Variants in CAMKK2 observed in about 807,000 individuals in gnomAD.
CAMKK2 encodes calcium/calmodulin dependent protein kinase kinase 2, also known as calcium/calmodulin-dependent protein kinase kinase 2.
A neutral mutation model predicts 67.2 loss-of-function variants in CAMKK2; 30 were observed. That is an observed-to-expected ratio of 0.45 (90% CI 0.33 to 0.61). CAMKK2 has a LOEUF of 0.61. CAMKK2 is among the 20% of genes least tolerant of loss of function. CAMKK2 has a pLI of 0.02. For synonymous variants in CAMKK2, 322 were observed against 326.2 expected, an observed-to-expected ratio of 0.99 and a Z score of 0.14; for missense variants, 643 against 802.0, an observed-to-expected ratio of 0.80 and a Z score of 2.39.
rs1429017058 is a variant in CAMKK2 at position 121,240,522 on chromosome 12, T to TC, written c.*176dup. Reference sequence around the variant, plus strand: ...CCACGGTCGACGTCATGGAGTCAAGTCCTTTTTTTTTTTTTGTCCCCTTTA... The same window carrying TC: ...CCACGGTCGACGTCATGGAGTCAAGTCCCTTTTTTTTTTTTTGTCCCCTTTA... On this transcript the variant is annotated 3_prime_UTR_variant, in exon 17 of 17. Coordinates refer to ENST00000404169, the MANE Select transcript of CAMKK2 (RefSeq NM_001270485.2). The surrounding 1 kb of genome is among the most constrained non-coding windows in gnomAD (Gnocchi z 4.4). 7 of 1,512,374 alleles carry TC rather than the reference T, an allele frequency of 4.6e-6. No homozygotes were observed. The highest frequency in any genetic ancestry group is 8.8e-7 in the Non-Finnish European group (1 of 1,138,186). The allele number at this position is 1,512,374 out of a possible 1,614,324, so 93.7% of individuals were successfully genotyped here. A position where few individuals can be genotyped will look rare whatever the true frequency, so the allele number is the denominator to read the frequency against.
At position 121,268,693 on chromosome 12, in the gene CAMKK2, C is replaced by A; in HGVS notation, c.574-4G>T. On this transcript the variant is annotated splice_polypyrimidine_tract_variant and splice_region_variant and intron_variant, in intron 4 of 16. Coordinates refer to ENST00000404169, the MANE Select transcript of CAMKK2 (RefSeq NM_001270485.2). ...TTTTGGACAGCACCTTCATTGCCTG[C>A]AGGAAAATGAAGGACAGCACCTTTA... is the stretch of plus-strand genomic sequence containing the variant. The A allele has an allele frequency of 6.2e-7, 1 of 1,613,692 alleles. No homozygotes were observed. Among genetic ancestry groups the A allele is most frequent in the Non-Finnish European group, 8.5e-7 (1 of 1,179,666 alleles).
chr12:121,245,158 G>A lies in CAMKK2; in HGVS notation c.1535C>T (p.Ala512Val), dbSNP rs757917913. 1.4e-5 allele frequency: 23 copies of A among 1,603,490 alleles called. No individual in the cohort carries two copies. The highest frequency in any genetic ancestry group is 1.3e-4 in the African/African-American group (10 of 74,830). Reference protein sequence around the residue: ...GSRREERSLSAPGNLLTKKPT... With the variant: ...GSRREERSLSVPGNLLTKKPT... ...CACTCACGTGAGCAAGTTTCCAGGC[G>A]CTGACAGTGAGCGTTCCTCCCGCCG... is the stretch of plus-strand genomic sequence containing the variant. The change falls in exon 15 of 17, where the codon GCG (alanine) becomes GTG (valine). Residue 512 changes from alanine (A) to valine (V), a missense_variant. Ala to Val is a moderately conservative substitution (Grantham distance 64, BLOSUM62 0). Around this residue, in one of 3 missense-constraint regions of CAMKK2, gnomAD observed 140 missense variants for 124.2 expected, o/e 1.13. Coordinates refer to ENST00000404169, the MANE Select transcript of CAMKK2 (RefSeq NM_001270485.2). The surrounding 1 kb of genome is among the most constrained non-coding windows in gnomAD (Gnocchi z 5.8).
Position 121,269,509 on chromosome 12 carries a change from G to A in CAMKK2, c.573+19C>T. 1 of 1,582,910 alleles carries A rather than the reference G, an allele frequency of 6.3e-7. No homozygotes were observed. The highest frequency in any genetic ancestry group is 8.6e-7 in the Non-Finnish European group (1 of 1,157,186). ...CTGTGGATAAGGATGGGGGCAGGGA[G>A]GAGAATGCGGATACTCACATAGTAG... On this transcript the variant is annotated intron_variant, in intron 4 of 16. Coordinates refer to ENST00000404169, the MANE Select transcript of CAMKK2 (RefSeq NM_001270485.2).
chr12:121,292,145 A>G (rs947067805), intron 1 of CAMKK2, among the ~76,000 whole-genome samples: 8 of 151,406 alleles, frequency 5.3e-5, no homozygotes, highest in African/African-American at 1.7e-4. Flanking sequence ...TTTTCTTTTG[A>G]GAAGGAGTCT....
At chr12:121,268,098 A>ATATATATATATATATG (rs1894995044) in intron 5 of CAMKK2, among the ~76,000 whole-genome samples, 1 of 146,944 alleles carries the variant, frequency 6.8e-6, no homozygotes, top group Non-Finnish European at 1.5e-5. Flanking sequence ...ATATATATAT[A>ATATATATATATATATG]TACTCTATTC....
At position 121,268,552 on chromosome 12, in the gene CAMKK2, G is replaced by A. The variant is rs907070232; in HGVS notation, c.625+86C>T. ...TGGAACTACAGGCATGTGGCACCATGCCCAGTGCAATGGTTCCCATTCAGG... is the reference window on the plus strand; with the variant it reads ...TGGAACTACAGGCATGTGGCACCATACCCAGTGCAATGGTTCCCATTCAGG... On this transcript the variant is annotated intron_variant, in intron 5 of 16. Coordinates refer to ENST00000404169, the MANE Select transcript of CAMKK2 (RefSeq NM_001270485.2). 93 of 1,225,478 alleles carry A rather than the reference G, an allele frequency of 7.6e-5. No homozygotes were observed. In the East Asian group the frequency reaches 2.1e-3, roughly 28 times the overall value. The allele number at this position is 1,225,478 out of a possible 1,614,324, so 75.9% of individuals were successfully genotyped here.
chr12:121,262,644 G>A (rs773119225), intron 6 of CAMKK2, among the ~76,000 whole-genome samples: 7 of 151,876 alleles, frequency 4.6e-5, no homozygotes, highest in South Asian at 4.2e-4. Flanking sequence ...CTGTAGCCTC[G>A]AACTCCTGGG....
rs371462475 is a variant in CAMKK2 at position 121,263,667 on chromosome 12, T to C, written c.759+139A>G. The stretch of plus-strand genomic sequence containing the variant: ...TAGTTAATGTGAGTAACAAATACTC[T>C]TAGGGAGCAGTAAATACAACTCAGC... On this transcript the variant is annotated intron_variant, in intron 6 of 16. Coordinates refer to ENST00000404169, the MANE Select transcript of CAMKK2 (RefSeq NM_001270485.2). The C allele has an allele frequency of 6.5e-6, 4 of 611,904 alleles. No individual in the cohort carries two copies. In the Admixed American group the frequency reaches 8.7e-5, roughly 13 times the overall value. The allele number at this position is 611,904 out of a possible 1,614,324, so 37.9% of individuals were successfully genotyped here.
Position 121,274,442 on chromosome 12 carries a change from C to CGCT in CAMKK2, c.82_84dup (p.Ser28dup), listed in dbSNP as rs1009377917. 15 of 1,612,944 alleles carry CGCT rather than the reference C, an allele frequency of 9.3e-6. No individual in the cohort carries two copies. Among genetic ancestry groups the CGCT allele is most frequent in the Middle Eastern group, 1.6e-4 (1 of 6,082 alleles). On this transcript the variant is annotated inframe_insertion, in exon 2 of 17. Coordinates refer to ENST00000404169, the MANE Select transcript of CAMKK2 (RefSeq NM_001270485.2). ...AGGGCCTCACAGGGCTTCTGGCTTTCGCTGCTGCTGCTGCCCCTGCCCCCC... is the reference window on the plus strand; with the variant it reads ...AGGGCCTCACAGGGCTTCTGGCTTTCGCTGCTGCTGCTGCTGCCCCTGCCCCCC...
At chr12:121,288,011 C>G (rs763012241) in intron 1 of CAMKK2, among the ~76,000 whole-genome samples, 9 of 152,088 alleles carry the variant, frequency 5.9e-5, no homozygotes, top group Admixed American at 2.0e-4. Context: ...AAAAATAAAA[C>G]CAGGTGTGCA....
rs534379544 is a variant in CAMKK2, at chr12:121,250,614, G to A, written c.1162-580C>T. Among the ~76,000 whole-genome samples the A allele has an allele frequency of 1.4e-4, 22 of 152,012 alleles. No individual in the cohort carries two copies. The South Asian group carries it at 3.5e-3, about 24-fold the overall frequency. ...TCTAAAACAGACAACCCCCAATGCCGCCACCGCCCACATCACTCCTCATCG... is the reference window on the plus strand; with the variant it reads ...TCTAAAACAGACAACCCCCAATGCCACCACCGCCCACATCACTCCTCATCG... On this transcript the variant is annotated intron_variant, in intron 11 of 16. Coordinates refer to ENST00000404169, the MANE Select transcript of CAMKK2 (RefSeq NM_001270485.2).
chr12:121,297,568 C>T (rs1382214517), upstream of CAMKK2: 2 of 514,842 alleles, frequency 3.9e-6, no homozygotes, highest in East Asian at 5.5e-5. Flanking sequence ...TGCGTTGGAT[C>T]CCCCAGCTGG....
In CAMKK2 at chr12:121,238,296, GAGGCCACAAGTGC is replaced by G. The variant is rs1887864722; in HGVS notation, c.*2390_*2402del. 6.6e-6 allele frequency: 1 copy of G among 152,216 alleles called. No homozygotes were observed. The highest frequency in any genetic ancestry group is 2.4e-5 in the African/African-American group (1 of 41,424). The allele number at this position is 152,216 out of a possible 1,614,324, so 9.4% of individuals were successfully genotyped here. On this transcript the variant is annotated 3_prime_UTR_variant, in exon 17 of 17. Transcript: ENST00000404169. Reference sequence around the variant, plus strand: ...TGGATGGAGGGTTTGTGCTTCCTTCGAGGCCACAAGTGCAGGCCACAGGTTGCTTACACCAAAT... The same window carrying G: ...TGGATGGAGGGTTTGTGCTTCCTTCGAGGCCACAGGTTGCTTACACCAAAT...
At chr12:121,289,893 T>TAAAAA (rs34281997) in intron 1 of CAMKK2, among the ~76,000 whole-genome samples, 4 of 117,692 alleles carry the variant, frequency 3.4e-5, no homozygotes, top group Non-Finnish European at 6.9e-5. Context: ...ACCCTGTCTT[T>TAAAAA]AAAAAAAAAA....
At chr12:121,286,706 GC>G (rs1437712499) in intron 1 of CAMKK2, among the ~76,000 whole-genome samples, 2 of 151,998 alleles carry the variant, frequency 1.3e-5, no homozygotes, top group African/African-American at 4.8e-5. Flanking sequence ...ACTACGCCTG[GC>G]TAAATAGGTC....
Position 121,282,561 on chromosome 12 carries a change from AC to A in CAMKK2, c.-59-7977del, listed in dbSNP as rs1897992271. ...AGCCAGCACGGAGGGGGAAGGCCAC[AC>A]GGAGATGGAGGCGGAGACGATGCTC... On this transcript the variant is annotated intron_variant, in intron 1 of 16. Coordinates refer to ENST00000404169, the MANE Select transcript of CAMKK2 (RefSeq NM_001270485.2). Among the ~76,000 whole-genome samples the A allele has an allele frequency of 3.3e-5, 5 of 152,198 alleles. 1 individual carries two copies. In the South Asian group the frequency reaches 1.0e-3, roughly 32 times the overall value.
At chr12:121,291,546 A>G (rs1235388172) in intron 1 of CAMKK2, among the ~76,000 whole-genome samples, 1 of 152,220 alleles carries the variant, frequency 6.6e-6, no homozygotes, top group East Asian at 1.9e-4. Context: ...ACATGATTCT[A>G]TTTATATGAA....
intron 7 of CAMKK2, among the ~76,000 whole-genome samples, chr12:121,256,194 C>T (rs974345385): frequency 6.6e-6 from 1 of 152,184 alleles, no homozygotes; most frequent in South Asian, 2.1e-4. Flanking sequence ...GCCTGGCCAA[C>T]GTGGCAAAAC....
intron 16 of CAMKK2, among the ~76,000 whole-genome samples, chr12:121,241,728 G>A (rs1300523595): frequency 6.6e-6 from 1 of 152,244 alleles, no homozygotes; most frequent in African/African-American, 2.4e-5. Flanking sequence ...GTGATGTCTG[G>A]CTTGCTATGT....
Sources: allele counts gnomAD v4.1 joint callset (sites outside exome capture counted in the v4.1 genomes callset), GRCh38; gene constraint gnomAD v4.1.1; regional missense constraint gnomAD v4.1.1; non-coding constraint Gnocchi (gnomAD v3.1); transcripts MANE v1.5; gene names NCBI Gene and HGNC (gene_info 2026-07-23, HGNC 2026-07-21).